GLB1: variants seen among roughly 807,000 people sequenced by gnomAD.
GLB1 encodes the protein beta-galactosidase.
A neutral mutation model predicts 74.0 loss-of-function variants in GLB1; 56 were observed. The ratio of observed to expected loss-of-function variants is 0.76; its 90% CI spans 0.61 to 0.94. The LOEUF (loss-of-function observed/expected upper bound fraction) is 0.94. GLB1 is among the 40% of genes least tolerant of loss of function. The probability of loss-of-function intolerance (pLI) is 0.00; values close to 1 mark genes in which losing one functional copy is unlikely to be tolerated. For missense variants in GLB1, 787 were observed against 845.5 expected, an observed-to-expected ratio of 0.93 and a Z score of 0.86; for synonymous variants, 323 against 323.6, an observed-to-expected ratio of 1.00 and a Z score of 0.02.
chr3:33,036,958 A>G (rs1427652277), intron 10 of GLB1, among the ~76,000 whole-genome samples: 1 of 152,216 alleles, frequency 6.6e-6, no homozygotes, highest in African/African-American at 2.4e-5. Context: ...ATGGCTGTAT[A>G]ACATTGTGAA....
intron 13 of GLB1, among the ~76,000 whole-genome samples, chr3:33,017,719 T>G (rs543468903): frequency 3.8e-4 from 58 of 152,304 alleles, no homozygotes; most frequent in Non-Finnish European, 6.6e-4. Context: ...TAATTTCTCA[T>G]GTAGGATAAA....
intron 6 of GLB1, among the ~76,000 whole-genome samples, chr3:33,055,454 T>A (rs1699174121): frequency 8.3e-6 from 1 of 120,014 alleles, no homozygotes; most frequent in East Asian, 3.3e-4. Flanking sequence ...GTCATGGTTT[T>A]CTTTTCTTTT....
At chr3:32,999,554 T>G (rs1432262371) in intron 15 of GLB1, among the ~76,000 whole-genome samples, 1 of 152,182 alleles carries the variant, frequency 6.6e-6, no homozygotes, top group Non-Finnish European at 1.5e-5. Flanking sequence ...GGGTGGACTG[T>G]GCACCTGGTA....
intron 1 of GLB1, among the ~76,000 whole-genome samples, chr3:33,074,166 C>T (rs963730055): frequency 8.5e-6 from 1 of 117,922 alleles, no homozygotes; most frequent in Non-Finnish European, 1.7e-5. Context: ...GGTGAAACCC[C>T]GTCTCTACCA....
At chr3:33,094,113 C>A in intron 1 of GLB1, 1 of 1,614,212 alleles carries the variant, frequency 6.2e-7, no homozygotes, top group Non-Finnish European at 8.5e-7. Flanking sequence ...CAGATACGAG[C>A]GGGAGGCGAT....
chr3:32,977,761 T>C, the GLB1 span, among the ~76,000 whole-genome samples: 8 of 152,170 alleles, frequency 5.3e-5, no homozygotes, highest in African/African-American at 1.7e-4. Flanking sequence ...CTAAGCGCCA[T>C]AGAGAGGGAT....
the GLB1 span, among the ~76,000 whole-genome samples, chr3:32,978,131 A>C: frequency 6.6e-6 from 1 of 152,348 alleles, no homozygotes; most frequent in Admixed American, 6.5e-5. Flanking sequence ...TATGAAGAAC[A>C]GGTGTCACCA....
intron 10 of GLB1, among the ~76,000 whole-genome samples, chr3:33,038,571 A>T (rs1393749936): frequency 6.6e-6 from 1 of 152,236 alleles, no homozygotes; most frequent in Non-Finnish European, 1.5e-5. Context: ...CAAGTCTGAT[A>T]TTTGTTACTA....
intron 15 of GLB1, among the ~76,000 whole-genome samples, chr3:33,007,152 T>A (rs1696822468): frequency 6.6e-6 from 1 of 152,218 alleles, no homozygotes; most frequent in Non-Finnish European, 1.5e-5. Flanking sequence ...GATGTGTGTG[T>A]ACCCTTGGAC....
chr3:33,022,579 T>TTTTTTTTTTTTTTTTTTTTTTG (rs1697543764), intron 11 of GLB1, among the ~76,000 whole-genome samples: 1 of 137,100 alleles, frequency 7.3e-6, no homozygotes, highest in Non-Finnish European at 1.6e-5. Flanking sequence ...TTTTTTTTTT[T>TTTTTTTTTTTTTTTTTTTTTTG]TTTTGAGAGA....
In GLB1 at chr3:33,051,989, A is replaced by C. The variant is rs376663785; in HGVS notation, c.808T>G (p.Tyr270Asp). The change falls in exon 8 of 16, where the codon TAT (tyrosine) becomes GAT (aspartate). Residue 270 changes from tyrosine (Y) to aspartate (D), a missense_variant. Tyr to Asp is a radical substitution (Grantham distance 160, BLOSUM62 -3). Coordinates refer to ENST00000307363, the MANE Select transcript of GLB1 (RefSeq NM_000404.4). ...CCCCAGTGATCTAGCCAGCCAGTAT[A>C]GAATTCAGAATTGATCTAAAACAAA... The part of the protein sequence containing the change: ...PKGPLINSEF[Y>D]TGWLDHWGQP... 30 of 1,614,098 alleles carry C rather than the reference A, an allele frequency of 1.9e-5. No individual in the cohort carries two copies. Among genetic ancestry groups the C allele is most frequent in the Non-Finnish European group, 2.5e-5 (30 of 1,180,058 alleles).
intron 15 of GLB1, among the ~76,000 whole-genome samples, chr3:33,008,930 A>G (rs978124438): frequency 2.0e-5 from 3 of 151,532 alleles, no homozygotes; most frequent in African/African-American, 7.3e-5. Context: ...GACTGGCCTG[A>G]CCAACATGGA....
the GLB1 span, among the ~76,000 whole-genome samples, chr3:32,961,750 A>T: frequency 2.6e-5 from 4 of 152,246 alleles, no homozygotes; most frequent in Admixed American, 2.6e-4. Flanking sequence ...AGATTTCATT[A>T]TCATGATAAA....
At chr3:33,034,646 G>C in intron 10 of GLB1, 4 of 729,962 alleles carry the variant, frequency 5.5e-6, no homozygotes, top group Non-Finnish European at 1.0e-5. Flanking sequence ...GTAGCATGCG[G>C]GCAGGTCCAT....
chr3:32,973,715 T>C, the GLB1 span, among the ~76,000 whole-genome samples: 2 of 152,100 alleles, frequency 1.3e-5, no homozygotes, highest in Non-Finnish European at 2.9e-5. Flanking sequence ...CTAATATAAA[T>C]TTATCAAAAC....
chr3:33,017,171 C>A (rs550360271), intron 13 of GLB1, among the ~76,000 whole-genome samples: 29 of 152,256 alleles, frequency 1.9e-4, no homozygotes, highest in African/African-American at 7.0e-4. Context: ...GCTTCGTGTT[C>A]TGACAGCACA....
intron 13 of GLB1, among the ~76,000 whole-genome samples, chr3:33,017,304 T>A (rs1697273878): frequency 6.6e-6 from 1 of 152,210 alleles, no homozygotes; most frequent in African/African-American, 2.4e-5. Flanking sequence ...ACATGATGCA[T>A]TAACCACGAA....
chr3:33,032,381 C>T (rs62253975), intron 10 of GLB1, among the ~76,000 whole-genome samples: 4,264 of 152,188 alleles, frequency 0.028, 95 homozygotes, highest in Non-Finnish European at 0.043. Flanking sequence ...GCTGAATAAG[C>T]CCAGAATTGA....
At chr3:32,972,901 C>T in the GLB1 span, among the ~76,000 whole-genome samples, 6 of 152,206 alleles carry the variant, frequency 3.9e-5, no homozygotes, top group African/African-American at 1.4e-4. Flanking sequence ...TCCTCCCTTA[C>T]CAGGCATTGT....
Sources: allele counts gnomAD v4.1 joint callset (sites outside exome capture counted in the v4.1 genomes callset), GRCh38; gene constraint gnomAD v4.1.1; transcripts MANE v1.5; gene names NCBI Gene and HGNC (gene_info 2026-07-23, HGNC 2026-07-21).